Variants in RALYL observed in about 807,000 individuals in gnomAD.
The protein encoded by RALYL is RNA-binding Raly-like protein.
Under a neutral mutation model 35.1 loss-of-function variants are expected in RALYL, and 29 were observed. That is an observed-to-expected ratio of 0.83 (90% CI 0.61 to 1.13). The LOEUF (loss-of-function observed/expected upper bound fraction) is 1.13. Among genes scored for constraint, RALYL ranks in the 50% most tolerant of loss-of-function variants. The probability of loss-of-function intolerance (pLI) is 0.00; values close to 1 mark genes in which losing one functional copy is unlikely to be tolerated. For missense variants in RALYL, 359 were observed against 360.4 expected (o/e 1.00, Z 0.03); for synonymous variants, 120 against 127.6 (o/e 0.94, Z 0.40).
At chr8:84,431,252 G>A (rs986217204) in intron 1 of RALYL, among the ~76,000 whole-genome samples, 2 of 151,976 alleles carry the variant, frequency 1.3e-5, no homozygotes, top group Non-Finnish European at 1.5e-5. Context: ...AAAAAGATAG[G>A]AGTGTCAGAA....
intron 8 of RALYL, among the ~76,000 whole-genome samples, chr8:84,900,530 T>A (rs1035388817): frequency 9.9e-5 from 15 of 151,870 alleles, no homozygotes; most frequent in Non-Finnish European, 2.1e-4. Context: ...TAGAAAAAAA[T>A]TAGCCAATCA....
At chr8:84,676,245 G>A (rs867143424) in intron 2 of RALYL, among the ~76,000 whole-genome samples, 2 of 152,162 alleles carry the variant, frequency 1.3e-5, no homozygotes, top group Non-Finnish European at 2.9e-5. Flanking sequence ...GTAGAGATAT[G>A]GATGGCCAAT....
At chr8:84,258,483 T>C (rs977705739) in intron 1 of RALYL, among the ~76,000 whole-genome samples, 1 of 152,084 alleles carries the variant, frequency 6.6e-6, no homozygotes, top group African/African-American at 2.4e-5. Flanking sequence ...ATTACTTTTT[T>C]TTTTCTCACA....
chr8:84,402,238 C>T (rs1402465165), intron 1 of RALYL, among the ~76,000 whole-genome samples: 4 of 152,160 alleles, frequency 2.6e-5, no homozygotes, highest in Non-Finnish European at 4.4e-5. Flanking sequence ...TACACAAAAA[C>T]ATCACCATAG....
rs1849307328 is a variant in RALYL at position 84,921,470 on chromosome 8, C to T, written c.*559C>T. On this transcript the variant is annotated 3_prime_UTR_variant, in exon 9 of 9. Coordinates refer to ENST00000521268, the MANE Select transcript of RALYL (RefSeq NM_173848.7). ...GCACCCTTTTTATTAATAAAGAATG[C>T]AGATATTTCAGATGTGATATAATAG... 6.6e-6 allele frequency: 1 copy of T among 151,990 alleles called. No homozygotes were observed. The highest frequency in any genetic ancestry group is 1.5e-5 in the Non-Finnish European group (1 of 67,964). 9.4% of individuals were successfully genotyped at this position (151,990 alleles called of 1,614,324 possible).
Position 84,862,324 on chromosome 8 carries a change from C to T in RALYL, c.442C>T (p.Pro148Ser). Reference protein sequence around the residue: ...RLFDYHGRVPPPPRAVIPLKR... With the variant: ...RLFDYHGRVPSPPRAVIPLKR... ...ATTTGATTACCACGGGCGTGTGCCT[C>T]CACCTCCCCGTGCAGTAATTCCGCT... The change falls in exon 6 of 9, where the codon CCA (proline) becomes TCA (serine). Residue 148 changes from proline (P) to serine (S), a missense_variant. By Grantham distance (74) the Pro-to-Ser change is moderately conservative. Transcript: ENST00000521268. 1 of 1,595,476 alleles carries T rather than the reference C, an allele frequency of 6.3e-7. No individual in the cohort carries two copies.
chr8:84,233,211 C>T (rs1195077529), intron 1 of RALYL, among the ~76,000 whole-genome samples: 1 of 152,110 alleles, frequency 6.6e-6, no homozygotes, highest in Non-Finnish European at 1.5e-5. Context: ...TGTCAAACTC[C>T]TAGCCTTGAG....
At chr8:84,562,021 C>A (rs1301675346) in intron 2 of RALYL, among the ~76,000 whole-genome samples, 1 of 151,828 alleles carries the variant, frequency 6.6e-6, no homozygotes, top group African/African-American at 2.4e-5. Context: ...AGACTTTTTT[C>A]CTACTGTCAT....
intron 1 of RALYL, among the ~76,000 whole-genome samples, chr8:84,401,287 A>C (rs1453716168): frequency 2.0e-5 from 3 of 151,874 alleles, no homozygotes; most frequent in Non-Finnish European, 4.4e-5. Flanking sequence ...ACTTCATTGA[A>C]TCTTAACTCA....
At chr8:84,730,912 G>A (rs868024523) in intron 2 of RALYL, among the ~76,000 whole-genome samples, 3 of 152,196 alleles carry the variant, frequency 2.0e-5, no homozygotes, top group Middle Eastern at 3.4e-3. Context: ...GAAAAAATAT[G>A]CTGTGATGGA....
intron 2 of RALYL, among the ~76,000 whole-genome samples, chr8:84,554,355 T>A (rs757628727): frequency 8.5e-5 from 13 of 152,230 alleles, no homozygotes; most frequent in Non-Finnish European, 1.9e-4. Context: ...AGAGTGCATC[T>A]TTTGAAGAGA....
intron 3 of RALYL, among the ~76,000 whole-genome samples, chr8:84,788,969 CTAA>C (rs1372550396): frequency 6.6e-6 from 1 of 152,190 alleles, no homozygotes. Flanking sequence ...TTGTGCCTGC[CTAA>C]TAATAACTGC....
Position 84,802,524 on chromosome 8 carries a change from T to C in RALYL, c.333-2246T>C, listed in dbSNP as rs1419599958. ...AACTAGCTAGTCAGACAAATCATAC[T>C]AACCACAGGGGGCAGTAGGACAATA... is the stretch of plus-strand genomic sequence containing the variant. On this transcript the variant is annotated intron_variant, in intron 3 of 8. Transcript: ENST00000521268. Among the ~76,000 whole-genome samples, 13 of 152,070 alleles carry C rather than the reference T, an allele frequency of 8.5e-5. 1 individual carries two copies. The highest frequency in any genetic ancestry group is 7.9e-4 in the Admixed American group (12 of 15,268).
chr8:84,620,872 C>T (rs1291767187), intron 2 of RALYL, among the ~76,000 whole-genome samples: 4 of 152,094 alleles, frequency 2.6e-5, no homozygotes, highest in African/African-American at 7.2e-5. Context: ...GTCAGTGTGC[C>T]CCTGCTGGGG....
intron 2 of RALYL, among the ~76,000 whole-genome samples, chr8:84,729,189 A>C (rs1845615814): frequency 6.6e-6 from 1 of 152,066 alleles, no homozygotes; most frequent in Non-Finnish European, 1.5e-5. Context: ...GAGGTCCTTC[A>C]CATCCCTTGT....
chr8:84,246,419 G>A (rs1320700904), intron 1 of RALYL, among the ~76,000 whole-genome samples: 2 of 152,160 alleles, frequency 1.3e-5, no homozygotes, highest in African/African-American at 2.4e-5. Context: ...TTTCAAGGAA[G>A]AAACTTACAA....
intron 4 of RALYL, among the ~76,000 whole-genome samples, chr8:84,824,261 G>GA (rs1829157539): frequency 6.7e-4 from 37 of 55,320 alleles, no homozygotes; most frequent in African/African-American, 2.4e-3. Context: ...TACAATAGCT[G>GA]CAAAAAAAAA....
intron 1 of RALYL, among the ~76,000 whole-genome samples, chr8:84,255,442 A>G (rs527875468): frequency 2.6e-4 from 39 of 152,174 alleles, no homozygotes; most frequent in Non-Finnish European, 4.7e-4. Flanking sequence ...AAACCCTTAG[A>G]ATAATATGTG....
At chr8:84,911,242 A>T (rs1847463451) in intron 8 of RALYL, among the ~76,000 whole-genome samples, 1 of 152,118 alleles carries the variant, frequency 6.6e-6, no homozygotes, top group African/African-American at 2.4e-5. Context: ...CTATCCATTG[A>T]CTAGAATATG....
Sources: gnomAD v4.1 joint callset for allele counts (sites outside exome capture counted in the v4.1 genomes callset) on GRCh38, gnomAD v4.1.1 for gene constraint, MANE v1.5 for transcripts, NCBI Gene and HGNC (gene_info 2026-07-23, HGNC 2026-07-21) for gene names.